The following MACROD2 variants were observed in gnomAD, a reference collection of about 807,000 sequenced individuals.
MACROD2 encodes ADP-ribose glycohydrolase MACROD2.
MACROD2 carries 36 observed loss-of-function variants against 70.4 expected under a neutral mutation model. The ratio of observed to expected loss-of-function variants is 0.51; its 90% confidence interval spans 0.39 to 0.68. The LOEUF (loss-of-function observed/expected upper bound fraction) is 0.68, where lower values mean the gene tolerates loss of function less well. MACROD2 is among the 30% of genes least tolerant of loss of function. The probability of loss-of-function intolerance (pLI) is 0.00; values close to 1 mark genes in which losing one functional copy is unlikely to be tolerated. For missense variants in MACROD2, 496 were observed against 538.4 expected (o/e 0.92, Z 0.78); for synonymous variants, 172 against 178.8 (o/e 0.96, Z 0.30).
intron 3 of MACROD2, among the ~76,000 whole-genome samples, chr20:14,403,895 A>G (rs2083664041): frequency 6.6e-6 from 1 of 152,140 alleles, no homozygotes; most frequent in African/African-American, 2.4e-5. Context: ...GATACCCTAA[A>G]TAATATAACT....
chr20:15,728,453 G>A (rs917954332), intron 8 of MACROD2, among the ~76,000 whole-genome samples: 5 of 151,966 alleles, frequency 3.3e-5, no homozygotes, highest in East Asian at 1.9e-4. Flanking sequence ...CCAACTTTTC[G>A]GAGTAATTTC....
chr20:16,037,302 T>G (rs907369814), intron 15 of MACROD2, among the ~76,000 whole-genome samples: 2 of 152,024 alleles, frequency 1.3e-5, no homozygotes, highest in Admixed American at 6.6e-5. Context: ...TTTAATAGAC[T>G]AGAATTATGC....
chr20:14,938,169 T>G (rs1408000368), intron 5 of MACROD2, among the ~76,000 whole-genome samples: 1 of 152,130 alleles, frequency 6.6e-6, no homozygotes, highest in Non-Finnish European at 1.5e-5. Flanking sequence ...TGCAGATACC[T>G]CTTTATTTTA....
At chr20:14,040,027 G>T (rs1416158213) in intron 2 of MACROD2, among the ~76,000 whole-genome samples, 2 of 152,140 alleles carry the variant, frequency 1.3e-5, no homozygotes, top group Non-Finnish European at 2.9e-5. Context: ...CAGAAAGAAG[G>T]TAGGCCTTTA....
chr20:15,284,409 C>G (rs2146094260), intron 6 of MACROD2, among the ~76,000 whole-genome samples: 1 of 152,214 alleles, frequency 6.6e-6, no homozygotes, highest in Middle Eastern at 3.4e-3. Context: ...AGTTTTGTAG[C>G]TAATGGACTA....
At position 15,984,272 on chromosome 20, in the gene MACROD2, A is replaced by G. The variant is rs1447522690; in HGVS notation, c.986-2455A>G. Among the ~76,000 whole-genome samples, 3 of 152,212 alleles carry G rather than the reference A, an allele frequency of 2.0e-5. No homozygotes were observed. In the East Asian group the frequency reaches 5.8e-4, roughly 29 times the overall value. ...ACACACAGAATTTTCTTTACAATTAACGTTTTAAAACTTGCTTAAATTTTT... is the reference window on the plus strand; with the variant it reads ...ACACACAGAATTTTCTTTACAATTAGCGTTTTAAAACTTGCTTAAATTTTT... On this transcript the variant is annotated intron_variant, in intron 13 of 17. Transcript: ENST00000684519.
intron 2 of MACROD2, among the ~76,000 whole-genome samples, chr20:14,055,757 TA>T (rs1249314603): frequency 1.5e-5 from 2 of 130,808 alleles, no homozygotes; most frequent in African/African-American, 5.7e-5. Context: ...TTTTTTTTTT[TA>T]AACCTGTCCC....
chr20:14,200,781 A>T (rs2081473035), intron 3 of MACROD2, among the ~76,000 whole-genome samples: 1 of 152,014 alleles, frequency 6.6e-6, no homozygotes, highest in Non-Finnish European at 1.5e-5. Flanking sequence ...CTAAACATGG[A>T]TTTCTTTTAC....
At chr20:14,218,662 T>A (rs1352827154) in intron 3 of MACROD2, among the ~76,000 whole-genome samples, 4 of 152,210 alleles carry the variant, frequency 2.6e-5, no homozygotes, top group Admixed American at 2.0e-4. Context: ...GGCTCTGTTT[T>A]CACATGTTTC....
At position 15,605,453 on chromosome 20, in the gene MACROD2, C is replaced by CGTGTGTGTGTGTGTGTGT. The variant is rs57584580; in HGVS notation, c.645+105625_645+105642dup. Among the ~76,000 whole-genome samples, 216 of 141,780 alleles carry CGTGTGTGTGTGTGTGTGT rather than the reference C, an allele frequency of 1.5e-3. 4 individuals carry two copies. The South Asian group carries it at 0.016, about 10-fold the overall frequency. 93.0% of individuals were successfully genotyped at this position (141,780 alleles called of 152,430 possible). On this transcript the variant is annotated intron_variant, in intron 8 of 17. Transcript: ENST00000684519. The stretch of plus-strand genomic sequence containing the variant: ...TCAGTTAGAAAAAACAGGATGTAAG[C>CGTGTGTGTGTGTGTGTGT]GTGTGTGTGTGTGTGTGTGTGTGTG...
intron 5 of MACROD2, among the ~76,000 whole-genome samples, chr20:14,722,132 ACT>A (rs1323958000): frequency 6.6e-6 from 1 of 151,928 alleles, no homozygotes; most frequent in African/African-American, 2.4e-5. Context: ...TCTTCATAAG[ACT>A]CTCATTTTTT....
intron 3 of MACROD2, among the ~76,000 whole-genome samples, chr20:14,480,387 T>G (rs1413749156): frequency 1.3e-5 from 2 of 152,218 alleles, no homozygotes; most frequent in East Asian, 3.8e-4. Context: ...CTTCTTTTGG[T>G]AGACACCACA....
chr20:14,074,651 C>T (rs2053894065), intron 2 of MACROD2, among the ~76,000 whole-genome samples: 1 of 152,084 alleles, frequency 6.6e-6, no homozygotes, highest in South Asian at 2.1e-4. Context: ...AATGGTTTCT[C>T]CTGGCACTCT....
intron 3 of MACROD2, among the ~76,000 whole-genome samples, chr20:14,132,638 TTTTC>T (rs937105177): frequency 7.2e-5 from 11 of 152,084 alleles, no homozygotes; most frequent in African/African-American, 2.7e-4. Flanking sequence ...ATCTGTTTCT[TTTTC>T]TTTCTTTTTT....
At chr20:15,466,286 A>T (rs6043299) in intron 7 of MACROD2, among the ~76,000 whole-genome samples, 132,317 of 152,268 alleles carry the variant, frequency 0.87, 57,844 homozygotes, top group African/African-American at 0.97. Context: ...GGCATTGTTA[A>T]CATATACAGA....
intron 8 of MACROD2, among the ~76,000 whole-genome samples, chr20:15,802,249 G>T (rs1470565244): frequency 6.6e-6 from 1 of 152,114 alleles, no homozygotes; most frequent in African/African-American, 2.4e-5. Context: ...GAATCAGAGT[G>T]GTGAAAGTCA....
chr20:14,948,967 G>A (rs2423871), intron 5 of MACROD2, among the ~76,000 whole-genome samples: 2,205 of 152,212 alleles, frequency 0.014, 39 homozygotes, highest in Admixed American at 0.038. Flanking sequence ...ACGTATATGA[G>A]TAGATAGAAC....
chr20:14,468,517 G>GC (rs1451741827), intron 3 of MACROD2, among the ~76,000 whole-genome samples: 2 of 96,920 alleles, frequency 2.1e-5, no homozygotes, highest in Non-Finnish European at 5.1e-5. Flanking sequence ...GTCTTTTTTT[G>GC]GGGGGGGGCG....
intron 2 of MACROD2, among the ~76,000 whole-genome samples, chr20:14,055,537 A>T: frequency 6.6e-6 from 1 of 151,514 alleles, no homozygotes; most frequent in East Asian, 1.9e-4. Flanking sequence ...ACATATATAT[A>T]CACATTTGAC....
Sources: allele counts gnomAD v4.1 joint callset (sites outside exome capture counted in the v4.1 genomes callset), GRCh38; gene constraint gnomAD v4.1.1; transcripts MANE v1.5; gene names NCBI Gene and HGNC (gene_info 2026-07-23, HGNC 2026-07-21).